The following SCMH1 variants were observed in gnomAD, a reference collection of about 807,000 sequenced individuals.
The protein encoded by SCMH1 is polycomb protein SCMH1.
A neutral mutation model predicts 70.8 loss-of-function variants in SCMH1; 37 were observed. That is an observed-to-expected ratio of 0.52 (90% CI 0.40 to 0.69). The LOEUF is 0.69. Among genes scored for constraint, SCMH1 ranks in the 30% least tolerant of loss-of-function variants. The probability of loss-of-function intolerance (pLI) is 0.00; values close to 1 mark genes in which losing one functional copy is unlikely to be tolerated. For missense variants in SCMH1, 607 were observed against 827.3 expected (o/e 0.73, Z 3.27); for synonymous variants, 292 against 307.4 (o/e 0.95, Z 0.52).
In SCMH1 at chr1:41,063,216, G is replaced by A. The variant is rs1291174457; in HGVS notation, c.1105+7379C>T. 2.0e-5 allele frequency among the ~76,000 whole-genome samples: 3 copies of A among 152,200 alleles called. No homozygotes were observed. The East Asian group carries it at 5.8e-4, about 29-fold the overall frequency. ...AGGCCAGGCGTGGTGGCTCACGCCT[G>A]TAATCCCAGCACTTTGGGAGGCTGA... On this transcript the variant is annotated intron_variant, in intron 10 of 14. Coordinates refer to ENST00000337495, the Ensembl canonical transcript of SCMH1.
At chr1:41,208,404 T>C (rs1656118689) in intron 1 of SCMH1, among the ~76,000 whole-genome samples, 1 of 137,014 alleles carries the variant, frequency 7.3e-6, no homozygotes, top group Admixed American at 7.6e-5. Flanking sequence ...TGTGCACATG[T>C]ACCCTAAAAC....
Position 41,075,449 on chromosome 1 carries a change from C to T in SCMH1, c.748G>A (p.Val250Met), listed in dbSNP as rs759220732. The T allele has an allele frequency of 2.5e-6, 4 of 1,613,120 alleles. No homozygotes were observed. The South Asian group carries it at 4.4e-5, about 18-fold the overall frequency. ...GCAGGATAGGGATTCTTTGGAATCA[C>T]AACTGCAAGAAAAAGACTCATTCTA... is the stretch of plus-strand genomic sequence containing the variant. The change falls in exon 9 of 15, where the codon GTG (valine) becomes ATG (methionine). Residue 250 changes from valine (V) to methionine (M), a missense_variant and splice_region_variant. By Grantham distance (21) the Val-to-Met change is conservative. Around this residue, in one of 3 missense-constraint regions of SCMH1, gnomAD observed 430 missense variants for 528.2 expected, o/e 0.81. Transcript: ENST00000337495.
At chr1:41,065,784 C>T (rs77431926) in intron 10 of SCMH1, among the ~76,000 whole-genome samples, 11,870 of 152,114 alleles carry the variant, frequency 0.078, 596 homozygotes, top group South Asian at 0.13. Flanking sequence ...AACCTAGACA[C>T]AGAACCTACA....
At chr1:41,069,127 G>A (rs1655618249) in intron 10 of SCMH1, among the ~76,000 whole-genome samples, 1 of 152,118 alleles carries the variant, frequency 6.6e-6, no homozygotes, top group African/African-American at 2.4e-5. Context: ...AGCAACAAAG[G>A]AAAAGTAATC....
At chr1:41,204,203 T>A (rs892320806) in intron 1 of SCMH1, among the ~76,000 whole-genome samples, 2 of 152,154 alleles carry the variant, frequency 1.3e-5, no homozygotes, top group Non-Finnish European at 2.9e-5. Context: ...AAATTTCTTG[T>A]CTCTTAGGCT....
At chr1:41,111,726 T>G (rs1309696847) in intron 8 of SCMH1, among the ~76,000 whole-genome samples, 2 of 152,170 alleles carry the variant, frequency 1.3e-5, no homozygotes, top group Admixed American at 6.5e-5. Flanking sequence ...CTCACTCATG[T>G]CTCAGCATCA....
intron 8 of SCMH1, among the ~76,000 whole-genome samples, chr1:41,094,772 C>T (rs1169339351): frequency 6.6e-6 from 1 of 151,808 alleles, no homozygotes. Flanking sequence ...GCCTGTAATC[C>T]CAGCTAATCA....
chr1:41,041,096 C>T (rs977461891), intron 12 of SCMH1, among the ~76,000 whole-genome samples: 3 of 151,860 alleles, frequency 2.0e-5, no homozygotes, highest in Admixed American at 6.6e-5. Context: ...TGCTCATAAC[C>T]GAGCTTTCCC....
intron 12 of SCMH1, chr1:41,043,223 A>G (rs1456969368): frequency 6.6e-6 from 1 of 151,826 alleles, no homozygotes; most frequent in Non-Finnish European, 1.5e-5. Flanking sequence ...CCTCCCGAGT[A>G]GCTGGAATTA....
intron 12 of SCMH1, among the ~76,000 whole-genome samples, chr1:41,038,642 G>A (rs1261912275): frequency 6.6e-6 from 1 of 152,168 alleles, no homozygotes; most frequent in Non-Finnish European, 1.5e-5. Context: ...GGATTAGACA[G>A]CTATTTACCT....
At chr1:41,103,017 T>C (rs1477537433) in intron 8 of SCMH1, among the ~76,000 whole-genome samples, 3 of 152,150 alleles carry the variant, frequency 2.0e-5, no homozygotes, top group Non-Finnish European at 4.4e-5. Flanking sequence ...CTTCTTAACA[T>C]ATATGAATGT....
intron 1 of SCMH1, among the ~76,000 whole-genome samples, chr1:41,207,757 A>G (rs1467043487): frequency 2.6e-5 from 4 of 152,232 alleles, no homozygotes; most frequent in Non-Finnish European, 4.4e-5. Context: ...ACCACATTGC[A>G]CTTATTATAA....
chr1:41,120,037 T>G (rs1671537349), intron 6 of SCMH1, among the ~76,000 whole-genome samples: 1 of 152,196 alleles, frequency 6.6e-6, no homozygotes, highest in Non-Finnish European at 1.5e-5. Flanking sequence ...ATGAGTGGTT[T>G]GGTACACCTA....
At chr1:41,124,130 T>C (rs984588092) in intron 6 of SCMH1, among the ~76,000 whole-genome samples, 8 of 152,200 alleles carry the variant, frequency 5.3e-5, no homozygotes, top group African/African-American at 1.9e-4. Flanking sequence ...TGAACAATTA[T>C]GTACCCTTCA....
chr1:41,133,712 A>G (rs898535881), intron 6 of SCMH1, among the ~76,000 whole-genome samples: 7 of 152,206 alleles, frequency 4.6e-5, no homozygotes, highest in African/African-American at 1.7e-4. Context: ...TCCTGGACAC[A>G]TACACTCTCC....
At chr1:41,229,383 A>G (rs1660879073) in intron 1 of SCMH1, among the ~76,000 whole-genome samples, 1 of 152,208 alleles carries the variant, frequency 6.6e-6, no homozygotes, top group African/African-American at 2.4e-5. Context: ...AATGTGGCAC[A>G]TATACACCAT....
chr1:41,076,025 A>T (rs1156381963), intron 8 of SCMH1, among the ~76,000 whole-genome samples: 1 of 152,190 alleles, frequency 6.6e-6, no homozygotes, highest in Non-Finnish European at 1.5e-5. Context: ...TTGCTCTTAA[A>T]AACCTTTATT....
chr1:41,142,879 A>G (rs777052745), exon 6 of SCMH1: 1 of 1,612,520 alleles, frequency 6.2e-7, no homozygotes. Flanking sequence ...CTTACTCACC[A>G]AGAGGTGGCT....
chr1:41,193,532 G>A (rs74069100), intron 1 of SCMH1, among the ~76,000 whole-genome samples: 24 of 152,152 alleles, frequency 1.6e-4, no homozygotes, highest in African/African-American at 2.9e-4. Flanking sequence ...GTTGGGGGGG[G>A]GTTGAGGAAA....
Sources: allele counts gnomAD v4.1 joint callset (sites outside exome capture counted in the v4.1 genomes callset), GRCh38; gene constraint gnomAD v4.1.1; regional missense constraint gnomAD v4.1.1; transcripts MANE v1.5; gene names NCBI Gene and HGNC (gene_info 2026-07-23, HGNC 2026-07-21).